The following ZSWIM5 variants were observed in gnomAD, a reference collection of about 807,000 sequenced individuals.
ZSWIM5 encodes zinc finger SWIM domain-containing protein 5.
Under a neutral mutation model 119.6 loss-of-function variants are expected in ZSWIM5, and 55 were observed. The observed-to-expected ratio is 0.46, with a 90% CI of 0.37 to 0.58. The LOEUF (loss-of-function observed/expected upper bound fraction) is 0.58, where lower values mean the gene tolerates loss of function less well. ZSWIM5 is among the 20% of genes least tolerant of loss of function. ZSWIM5 has a pLI of 0.00. For synonymous variants in ZSWIM5, 537 were observed against 606.9 expected (o/e 0.88, Z 1.69); for missense variants, 1,193 against 1,512.8 (o/e 0.79, Z 3.51).
At chr1:45,176,986 C>T (rs2149047295) in intron 1 of ZSWIM5, among the ~76,000 whole-genome samples, 1 of 152,210 alleles carries the variant, frequency 6.6e-6, no homozygotes, top group East Asian at 1.9e-4. Flanking sequence ...ATCCCTTCTT[C>T]CCATCTCACT....
At position 45,020,539 on chromosome 1, in the gene ZSWIM5, T is replaced by C. The variant is rs1644881509; in HGVS notation, c.2613+86A>G. On this transcript the variant is annotated intron_variant, in intron 12 of 13. Transcript: ENST00000359600. ...CAAAGGAAGAGCCAGACTTGGCCTA[T>C]GCCCAGTCTCCCAGAGATCTTATCT... 2.0e-6 allele frequency: 3 copies of C among 1,469,968 alleles called. No homozygotes were observed. The Admixed American group carries it at 6.0e-5, about 29-fold the overall frequency. The allele number at this position is 1,469,968 out of a possible 1,614,324, so 91.1% of individuals were successfully genotyped here.
At chr1:45,113,886 A>G (rs1645531838) in intron 1 of ZSWIM5, among the ~76,000 whole-genome samples, 1 of 152,190 alleles carries the variant, frequency 6.6e-6, no homozygotes, top group Admixed American at 6.5e-5. Context: ...TAAAGAAACC[A>G]TCCTGATCAC....
In ZSWIM5 at chr1:45,206,555, A is replaced by C. The variant is rs1340457575; in HGVS notation, c.-205T>G. Reference sequence around the variant, plus strand: ...GCGAGGGCAGACGCGGGCGGCCTGCAGGGTAGCGTGAGGCGGCGCGCGGTG... The same window carrying C: ...GCGAGGGCAGACGCGGGCGGCCTGCCGGGTAGCGTGAGGCGGCGCGCGGTG... On this transcript the variant is annotated 5_prime_UTR_variant, in exon 1 of 14. Transcript: ENST00000359600. 2.0e-6 allele frequency: 2 copies of C among 1,004,024 alleles called. No homozygotes were observed. The highest frequency in any genetic ancestry group is 1.7e-5 in the African/African-American group (1 of 57,456). 62.2% of individuals were successfully genotyped at this position (1,004,024 alleles called of 1,614,324 possible). A position where few individuals can be genotyped will look rare whatever the true frequency, so the allele number is the denominator to read the frequency against.
rs1317949320 is a variant in ZSWIM5 at position 45,057,207 on chromosome 1, TCAGAAACTCGGGATAGGGCC to T, written c.1252+1382_1252+1401del. Among the ~76,000 whole-genome samples the T allele has an allele frequency of 6.6e-6, 1 of 152,176 alleles. No homozygotes were observed. The highest frequency in any genetic ancestry group is 1.5e-5 in the Non-Finnish European group (1 of 68,038). On this transcript the variant is annotated intron_variant, in intron 4 of 13. Transcript: ENST00000359600. The surrounding 1 kb of genome is among the most constrained non-coding windows in gnomAD (Gnocchi z 4.7). ...CAGGCTCCACTCCAAACCTACTAAT[TCAGAAACTCGGGATAGGGCC>T]CAGTGATCTGTTTAAACAAGTACTC...
chr1:45,125,198 T>C (rs1360012548), intron 1 of ZSWIM5, among the ~76,000 whole-genome samples: 1 of 152,198 alleles, frequency 6.6e-6, no homozygotes, highest in Non-Finnish European at 1.5e-5. Context: ...ATGAGGCAAA[T>C]TTCAATGAAT....
intron 2 of ZSWIM5, among the ~76,000 whole-genome samples, chr1:45,067,990 T>C (rs1645195446): frequency 6.6e-6 from 1 of 151,904 alleles, no homozygotes; most frequent in Non-Finnish European, 1.5e-5. Flanking sequence ...TAAATAATTA[T>C]GAAACAAACC....
At chr1:45,140,467 G>T (rs1454716929) in intron 1 of ZSWIM5, among the ~76,000 whole-genome samples, 1 of 151,990 alleles carries the variant, frequency 6.6e-6, no homozygotes, top group Non-Finnish European at 1.5e-5. Context: ...GAGATAAAAT[G>T]GAATCACAAA....
chr1:45,183,706 T>C (rs1188460062), intron 1 of ZSWIM5, among the ~76,000 whole-genome samples: 3 of 152,172 alleles, frequency 2.0e-5, no homozygotes, highest in East Asian at 3.8e-4. Flanking sequence ...CAGGAAGAAG[T>C]TGAATCTCTG....
intron 6 of ZSWIM5, among the ~76,000 whole-genome samples, chr1:45,040,818 T>C (rs1413590876): frequency 6.6e-6 from 1 of 152,204 alleles, no homozygotes; most frequent in African/African-American, 2.4e-5. Flanking sequence ...AAACATATAT[T>C]ATACTATGGG....
intron 2 of ZSWIM5, among the ~76,000 whole-genome samples, chr1:45,064,931 T>C (rs564953711): frequency 5.9e-5 from 9 of 152,316 alleles, no homozygotes; most frequent in African/African-American, 2.2e-4. Flanking sequence ...TTAGGTCCCC[T>C]GAAGCTGTAA....
chr1:45,164,368 G>A (rs1645886493), intron 1 of ZSWIM5, among the ~76,000 whole-genome samples: 1 of 152,112 alleles, frequency 6.6e-6, no homozygotes, highest in South Asian at 2.1e-4. Context: ...GCAAAAACAT[G>A]ACAAATTGTA....
Position 45,196,000 on chromosome 1 carries a change from C to G in ZSWIM5, c.595+9756G>C, listed in dbSNP as rs527588482. ...CTCCCACCTCAGCCTCCCAAGTAGCCGGGACTACAGGTGAGCACCGTTACA... is the reference window on the plus strand; with the variant it reads ...CTCCCACCTCAGCCTCCCAAGTAGCGGGGACTACAGGTGAGCACCGTTACA... On this transcript the variant is annotated intron_variant, in intron 1 of 13. Transcript: ENST00000359600. Among the ~76,000 whole-genome samples the G allele has an allele frequency of 8.1e-5, 12 of 148,724 alleles. No individual in the cohort carries two copies. In the South Asian group the frequency reaches 1.7e-3, roughly 21 times the overall value.
intron 1 of ZSWIM5, among the ~76,000 whole-genome samples, chr1:45,099,866 C>CT (rs201407855): frequency 0.021 from 3,134 of 152,206 alleles, 116 homozygotes; most frequent in African/African-American, 0.072. Context: ...GCTAAAAACT[C>CT]TCAATAAATT....
At chr1:45,200,887 G>A (rs1393429427) in intron 1 of ZSWIM5, among the ~76,000 whole-genome samples, 1 of 152,104 alleles carries the variant, frequency 6.6e-6, no homozygotes, top group Non-Finnish European at 1.5e-5. Context: ...GCTGAATTAT[G>A]TCACCCCCCA....
At chr1:45,138,795 C>T (rs962896262) in intron 1 of ZSWIM5, among the ~76,000 whole-genome samples, 1 of 152,142 alleles carries the variant, frequency 6.6e-6, no homozygotes, top group African/African-American at 2.4e-5. Context: ...CAACCAGCTC[C>T]TATCCTCACT....
chr1:45,086,150 G>A (rs1166481150), intron 2 of ZSWIM5, among the ~76,000 whole-genome samples: 3 of 152,280 alleles, frequency 2.0e-5, no homozygotes, highest in South Asian at 2.1e-4. Context: ...GGCTGGAGCC[G>A]GAGGAAGAGA....
At chr1:45,050,784 C>T (rs1570027807) in intron 5 of ZSWIM5, among the ~76,000 whole-genome samples, 1 of 152,130 alleles carries the variant, frequency 6.6e-6, no homozygotes, top group East Asian at 1.9e-4. Context: ...ATACATTAGA[C>T]ATGAAGAACC....
At position 45,079,703 on chromosome 1, in the gene ZSWIM5, C is replaced by A. The variant is rs79028866; in HGVS notation, c.952+8178G>T. ...AAGTGGAAGGCATCTTGCCCCATAG[C>A]CACCACAGCTGGGAATGTCCTGAGA... On this transcript the variant is annotated intron_variant, in intron 2 of 13. Transcript: ENST00000359600. 7.9e-3 allele frequency among the ~76,000 whole-genome samples: 1,210 copies of A among 152,268 alleles called. 4 individuals are homozygous for A. Among genetic ancestry groups the A allele is most frequent in the Non-Finnish European group, 0.014 (923 of 68,010 alleles).
At chr1:45,108,969 A>G (rs1309785212) in intron 1 of ZSWIM5, among the ~76,000 whole-genome samples, 3 of 152,218 alleles carry the variant, frequency 2.0e-5, no homozygotes, top group Non-Finnish European at 2.9e-5. Flanking sequence ...TTCCCATTAC[A>G]TGCTTTATTT....
Sources: allele counts gnomAD v4.1 joint callset (sites outside exome capture counted in the v4.1 genomes callset), GRCh38; gene constraint gnomAD v4.1.1; non-coding constraint Gnocchi (gnomAD v3.1); transcripts MANE v1.5; gene names NCBI Gene and HGNC (gene_info 2026-07-23, HGNC 2026-07-21).